The following FBLN2 variants were observed in gnomAD, a reference collection of about 807,000 sequenced individuals.
FBLN2 encodes the protein fibulin-2.
Under a neutral mutation model 123.7 loss-of-function variants are expected in FBLN2, and 81 were observed. The observed-to-expected ratio is 0.65, with a 90% CI of 0.55 to 0.79. FBLN2 has a LOEUF of 0.79. FBLN2 is among the 30% of genes least tolerant of loss of function. The pLI is 0.00. For missense variants in FBLN2, 1,603 were observed against 1,681.3 expected, an observed-to-expected ratio of 0.95 and a Z score of 0.81; for synonymous variants, 699 against 701.4, an observed-to-expected ratio of 1.00 and a Z score of 0.05.
chr3:13,618,170 C>T lies in FBLN2; in HGVS notation c.1824C>T (p.Cys608=). The change falls in exon 6 of 18, where the codon TGC becomes TGT. Residue 608 remains cysteine (C), a synonymous_variant. Transcript: ENST00000404922. ...TGCCGGGCGATGACCAGGATGAGTG[C>T]CTTCTCCTCCCGGGAGAGCTGTGCC... ...NSLPGDDQDE[C]LLLPGELCQH... is the part of the protein sequence containing the mutation. 1.2e-6 allele frequency: 2 copies of T among 1,613,752 alleles called. No individual in the cohort carries two copies. Among genetic ancestry groups the T allele is most frequent in the Non-Finnish European group, 1.7e-6 (2 of 1,179,890 alleles).
chr3:13,600,908 A>G lies in FBLN2; in HGVS notation c.1307-7154A>G, dbSNP rs114194410. On this transcript the variant is annotated intron_variant, in intron 2 of 17. Coordinates refer to ENST00000404922, the MANE Select transcript of FBLN2 (RefSeq NM_001004019.2). ...TGGGATTACAGGCGTGAGCCACTGC[A>G]CCTGGCCATTTGTACACATTTATGG... Among the ~76,000 whole-genome samples, 1,078 of 152,266 alleles carry G rather than the reference A, an allele frequency of 7.1e-3. 18 individuals carry two copies. Among genetic ancestry groups the G allele is most frequent in the African/African-American group, 0.024 (1,018 of 41,554 alleles).
chr3:13,607,921 GAGCTGTT>G lies in FBLN2; in HGVS notation c.1307-137_1307-131del. 7 of 642,422 alleles carry G rather than the reference GAGCTGTT, an allele frequency of 1.1e-5. No homozygotes were observed. The South Asian group carries it at 1.3e-4, about 12-fold the overall frequency. 39.8% of individuals were successfully genotyped at this position (642,422 alleles called of 1,614,324 possible). ...AGTTCACCAAAGACAGTTGTGTTGT[GAGCTGTT>G]AGCGACCAGCATGCACAGCAGCAGG... is the stretch of plus-strand genomic sequence containing the variant. On this transcript the variant is annotated intron_variant, in intron 2 of 17. Coordinates refer to ENST00000404922, the MANE Select transcript of FBLN2 (RefSeq NM_001004019.2).
chr3:13,606,383 A>G (rs1705203865), intron 2 of FBLN2, among the ~76,000 whole-genome samples: 1 of 152,176 alleles, frequency 6.6e-6, no homozygotes, highest in Non-Finnish European at 1.5e-5. Flanking sequence ...AGGTAATCAA[A>G]TTCATTAATT....
chr3:13,635,538 A>G lies in FBLN2; in HGVS notation c.3215-907A>G, dbSNP rs3773249. 0.012 allele frequency among the ~76,000 whole-genome samples: 1,805 copies of G among 152,192 alleles called. 122 individuals carry two copies. In the East Asian group the frequency reaches 0.19, roughly 16 times the overall value. ...TGTGTTTGTTTCTGTGCACCTGTGG[A>G]GGTGTGCGTGTGCTCACGTGTGTGC... On this transcript the variant is annotated intron_variant, in intron 16 of 17. Transcript: ENST00000404922.
At chr3:13,553,312 G>A (rs1365821111) in intron 1 of FBLN2, among the ~76,000 whole-genome samples, 1 of 152,198 alleles carries the variant, frequency 6.6e-6, no homozygotes, top group Non-Finnish European at 1.5e-5. Context: ...GTAGGAGTGG[G>A]CCTGGAGAGG....
Position 13,610,548 on chromosome 3 carries a change from C to T in FBLN2, c.1548+906C>T, listed in dbSNP as rs548682801. ...AGACAGGCCACCGGGAGTCCTCAGG[C>T]TGGACCATAAAGGACAGTAAATGCT... On this transcript the variant is annotated intron_variant, in intron 4 of 17. Transcript: ENST00000404922. Among the ~76,000 whole-genome samples the T allele has an allele frequency of 2.0e-4, 30 of 152,224 alleles. 2 individuals carry two copies. In the South Asian group the frequency reaches 5.8e-3, roughly 30 times the overall value.
intron 17 of FBLN2, 40 bp from the exon 18 acceptor site, chr3:13,637,513 ATGAGGGGGG>A: frequency 2.0e-6 from 3 of 1,499,714 alleles, no homozygotes; most frequent in Non-Finnish European, 2.7e-6. Context: ...CCGTCTGGGG[ATGAGGGGGG>A]TGGGCGAGCT....
At chr3:13,629,421 C>A in intron 13 of FBLN2, 129 bp downstream of exon 13, 1 of 1,288,474 alleles carries the variant, frequency 7.8e-7, no homozygotes, top group Non-Finnish European at 1.0e-6. Flanking sequence ...TCCACAAGGT[C>A]GCCTTCCAGC....
At chr3:13,620,102 G>A (rs550866734) in intron 8 of FBLN2, among the ~76,000 whole-genome samples, 306 of 152,186 alleles carry the variant, frequency 2.0e-3, no homozygotes, top group Non-Finnish European at 3.1e-3. Flanking sequence ...CGCATTTCCC[G>A]GAGCAGTGCT....
chr3:13,633,647 G>A (rs1706340283), intron 16 of FBLN2, among the ~76,000 whole-genome samples: 1 of 152,232 alleles, frequency 6.6e-6, no homozygotes, highest in Non-Finnish European at 1.5e-5. Flanking sequence ...AGGGTGGGGG[G>A]AGGCTGGCTT....
intron 4 of FBLN2, 37 bp downstream of exon 4, chr3:13,609,679 T>TGGGTTTGTGGGGGGGGGGGGGGG: frequency 1.2e-5 from 1 of 80,284 alleles, no homozygotes; most frequent in Non-Finnish European, 2.2e-5. Context: ...CAGGGTGGGG[T>TGGGTTTGTGGGGGGGGGGGGGGG]GGGGCGGGGC....
intron 5 of FBLN2, among the ~76,000 whole-genome samples, chr3:13,617,641 A>T (rs1242223906): frequency 4.8e-5 from 6 of 126,062 alleles, no homozygotes; most frequent in Non-Finnish European, 9.8e-5. Context: ...CCACCCATTC[A>T]TTCACCCACC....
chr3:13,573,100 G>A lies in FBLN2; in HGVS notation c.1306+1439G>A, dbSNP rs79066214. On this transcript the variant is annotated intron_variant, in intron 2 of 17. Coordinates refer to ENST00000404922, the MANE Select transcript of FBLN2 (RefSeq NM_001004019.2). ...AGACATTGGAAAGGCCCAGAGCTCCGTCAGTGTGAGAGGGGACAGCCCCGC... is the reference window on the plus strand; with the variant it reads ...AGACATTGGAAAGGCCCAGAGCTCCATCAGTGTGAGAGGGGACAGCCCCGC... 8.9e-3 allele frequency among the ~76,000 whole-genome samples: 1,351 copies of A among 151,728 alleles called. 24 individuals carry two copies. Among genetic ancestry groups the A allele is most frequent in the African/African-American group, 0.031 (1,289 of 41,004 alleles).
At chr3:13,582,670 C>T (rs1245778292) in intron 2 of FBLN2, among the ~76,000 whole-genome samples, 1 of 152,222 alleles carries the variant, frequency 6.6e-6, no homozygotes, top group Non-Finnish European at 1.5e-5. Context: ...GACTCACCCT[C>T]TCTGAGCCTC....
At chr3:13,563,024 A>G (rs1703653891) in intron 1 of FBLN2, among the ~76,000 whole-genome samples, 1 of 152,200 alleles carries the variant, frequency 6.6e-6, no homozygotes, top group Admixed American at 6.5e-5. Context: ...CCATCCATCC[A>G]TTGATGGTCA....
chr3:13,584,123 A>G (rs544680683), intron 2 of FBLN2, among the ~76,000 whole-genome samples: 1 of 152,330 alleles, frequency 6.6e-6, no homozygotes, highest in African/African-American at 2.4e-5. Context: ...GAGGCCTGGC[A>G]TGGTCCAAGA....
intron 2 of FBLN2, among the ~76,000 whole-genome samples, chr3:13,573,509 C>G (rs1366699158): frequency 1.3e-5 from 2 of 152,144 alleles, no homozygotes; most frequent in East Asian, 1.9e-4. Context: ...CTCCTCAAAG[C>G]CCCAAGCTCC....
rs989262693 is a variant in FBLN2, at chr3:13,549,192, G to A, written c.-58G>A. On this transcript the variant is annotated 5_prime_UTR_variant, in exon 1 of 18. Coordinates refer to ENST00000404922, the MANE Select transcript of FBLN2 (RefSeq NM_001004019.2). ...CCGGGCGGACGGACGGACGGACGCCGAGCGCAGTGCCCCGCGGTGAGTGCA... is the reference window on the plus strand; with the variant it reads ...CCGGGCGGACGGACGGACGGACGCCAAGCGCAGTGCCCCGCGGTGAGTGCA... 2.0e-6 allele frequency: 2 copies of A among 982,920 alleles called. No individual in the cohort carries two copies. The highest frequency in any genetic ancestry group is 2.4e-6 in the Non-Finnish European group (2 of 828,676). 60.9% of individuals were successfully genotyped at this position (982,920 alleles called of 1,614,324 possible). A position where few individuals can be genotyped will look rare whatever the true frequency, so the allele number is the denominator to read the frequency against.
chr3:13,600,767 C>G (rs781235175), intron 2 of FBLN2, among the ~76,000 whole-genome samples: 1 of 152,148 alleles, frequency 6.6e-6, no homozygotes, highest in East Asian at 1.9e-4. Flanking sequence ...AGGTGCCCAC[C>G]ACCATGCCCA....
Sources: allele counts gnomAD v4.1 joint callset (sites outside exome capture counted in the v4.1 genomes callset), GRCh38; gene constraint gnomAD v4.1.1; transcripts MANE v1.5; gene names NCBI Gene and HGNC (gene_info 2026-07-23, HGNC 2026-07-21).